Variants in RNF2 observed in about 807,000 individuals in gnomAD.
RNF2 encodes the protein ring finger protein 2.
RNF2 carries 6 observed loss-of-function variants against 37.2 expected under a neutral mutation model. That is an observed-to-expected ratio of 0.16 (90% confidence interval 0.09 to 0.32). The LOEUF (loss-of-function observed/expected upper bound fraction) is 0.32, where lower values mean the gene tolerates loss of function less well. RNF2 is among the 10% of genes least tolerant of loss of function. The probability of loss-of-function intolerance (pLI) is 1.00; values close to 1 mark genes in which losing one functional copy is unlikely to be tolerated. For synonymous variants in RNF2, 133 were observed against 132.7 expected (o/e 1.00, Z -0.02); for missense variants, 251 against 404.0 (o/e 0.62, Z 3.25).
intron 1 of RNF2, among the ~76,000 whole-genome samples, chr1:185,068,269 C>G (rs767882323): frequency 6.6e-6 from 1 of 152,172 alleles, no homozygotes; most frequent in Non-Finnish European, 1.5e-5. Flanking sequence ...GTCACTCTTA[C>G]TTTGGTCAGT....
At chr1:185,086,440 A>G (rs1248317304) in intron 1 of RNF2, among the ~76,000 whole-genome samples, 2 of 152,074 alleles carry the variant, frequency 1.3e-5, no homozygotes, top group African/African-American at 4.8e-5. Context: ...AGTTGGTCTT[A>G]TGCTCTTCAG....
At chr1:185,095,826 A>G (rs1364869443) in intron 4 of RNF2, among the ~76,000 whole-genome samples, 1 of 152,138 alleles carries the variant, frequency 6.6e-6, no homozygotes, top group Non-Finnish European at 1.5e-5. Flanking sequence ...ATGTAGGTAT[A>G]TGTTCGTATA....
chr1:185,074,701 C>T (rs987060209), intron 1 of RNF2, among the ~76,000 whole-genome samples: 2 of 152,104 alleles, frequency 1.3e-5, no homozygotes, highest in Non-Finnish European at 2.9e-5. Flanking sequence ...GGTATGGTTG[C>T]ATCTGAACGT....
chr1:185,085,965 T>G (rs954771597), intron 1 of RNF2, among the ~76,000 whole-genome samples: 1 of 152,214 alleles, frequency 6.6e-6, no homozygotes, highest in Non-Finnish European at 1.5e-5. Flanking sequence ...TTTAAAACTT[T>G]TAGTATCTTC....
intron 1 of RNF2, among the ~76,000 whole-genome samples, chr1:185,053,519 CTTTT>C (rs1007787992): frequency 2.3e-4 from 35 of 151,802 alleles, no homozygotes; most frequent in African/African-American, 8.0e-4. Flanking sequence ...TTCTTTCTTT[CTTTT>C]TTCTTTATTT....
chr1:185,072,240 G>T (rs72739697), intron 1 of RNF2, among the ~76,000 whole-genome samples: 7,251 of 151,178 alleles, frequency 0.048, 261 homozygotes, highest in Middle Eastern at 0.078. Context: ...GGACTCTCAT[G>T]TTGAGGGGTT....
At chr1:185,055,617 G>A (rs1380468558) in intron 1 of RNF2, among the ~76,000 whole-genome samples, 3 of 152,184 alleles carry the variant, frequency 2.0e-5, no homozygotes, top group Admixed American at 1.3e-4. Flanking sequence ...GTTTCACCAT[G>A]TTGGCAAGGC....
chr1:185,100,165 A>C, intron 6 of RNF2, 35 bp from the exon 7 acceptor site: 2 of 1,478,148 alleles, frequency 1.4e-6, no homozygotes, highest in Non-Finnish European at 1.9e-6. Context: ...TGGTTTGTGC[A>C]GTTTTCATAA....
rs558906024 is a variant in RNF2 at position 185,056,984 on chromosome 1, T to C, written c.-3+11335T>C. 1.5e-4 allele frequency among the ~76,000 whole-genome samples: 23 copies of C among 152,334 alleles called. No homozygotes were observed. In the South Asian group the frequency reaches 4.6e-3, roughly 30 times the overall value. On this transcript the variant is annotated intron_variant, in intron 1 of 6. Transcript: ENST00000367510. ...TTTGTTTAAAACATAGTTTTAACTG[T>C]ATTTTATATGTAGATCTAAATTTAT...
intron 4 of RNF2, among the ~76,000 whole-genome samples, chr1:185,094,844 T>A (rs960492987): frequency 2.0e-5 from 3 of 152,222 alleles, no homozygotes; most frequent in Non-Finnish European, 1.5e-5. Flanking sequence ...AGGAGAATCA[T>A]TATTTTCCAT....
intron 1 of RNF2, among the ~76,000 whole-genome samples, chr1:185,054,121 G>A (rs945585988): frequency 4.6e-5 from 7 of 152,090 alleles, no homozygotes; most frequent in African/African-American, 1.7e-4. Context: ...CCGGGAAAAA[G>A]GATATATACT....
chr1:185,075,240 C>T (rs779110265), intron 1 of RNF2, among the ~76,000 whole-genome samples: 8 of 152,084 alleles, frequency 5.3e-5, no homozygotes, highest in African/African-American at 1.7e-4. Context: ...GTGATCCCCC[C>T]GCCTCGGCCT....
intron 1 of RNF2, among the ~76,000 whole-genome samples, chr1:185,061,815 C>T (rs1368124460): frequency 1.3e-5 from 2 of 152,186 alleles, no homozygotes; most frequent in African/African-American, 4.8e-5. Flanking sequence ...CTGTCAGAAA[C>T]ATTTAGCATG....
intron 1 of RNF2, among the ~76,000 whole-genome samples, chr1:185,048,046 C>T (rs1280039262): frequency 6.6e-6 from 1 of 152,100 alleles, no homozygotes; most frequent in Non-Finnish European, 1.5e-5. Context: ...GACTGTTTGC[C>T]TACTGGTCTT....
chr1:185,069,197 A>G (rs764660466), intron 1 of RNF2, among the ~76,000 whole-genome samples: 2 of 152,186 alleles, frequency 1.3e-5, no homozygotes, highest in African/African-American at 2.4e-5. Flanking sequence ...TCATGCCTGT[A>G]ATCCCAGCAC....
chr1:185,050,189 A>T (rs1384132849), intron 1 of RNF2, among the ~76,000 whole-genome samples: 2 of 152,240 alleles, frequency 1.3e-5, no homozygotes, highest in African/African-American at 4.8e-5. Context: ...GACCCTGTGC[A>T]AGGGATTAGG....
chr1:185,068,531 AT>A (rs936014486), intron 1 of RNF2, among the ~76,000 whole-genome samples: 1 of 152,220 alleles, frequency 6.6e-6, no homozygotes, highest in African/African-American at 2.4e-5. Flanking sequence ...TTGGAGTGAT[AT>A]GGTCACAAGC....
rs753063280 is a variant in RNF2, at chr1:185,067,708, CTTTTTTTTTT to C, written c.-2-19833_-2-19824del. 7.5e-3 allele frequency among the ~76,000 whole-genome samples: 912 copies of C among 121,146 alleles called. 11 individuals are homozygous for C. Among genetic ancestry groups the C allele is most frequent in the African/African-American group, 0.027 (838 of 30,858 alleles). 79.5% of individuals were successfully genotyped at this position (121,146 alleles called of 152,430 possible). On this transcript the variant is annotated intron_variant, in intron 1 of 6. Coordinates refer to ENST00000367510, the MANE Select transcript of RNF2 (RefSeq NM_007212.4). ...GATAATTAAGTAATTTAAAAGTATC[CTTTTTTTTTT>C]TTTTTTTTTTGAGACGGAGTCTTGC...
intron 4 of RNF2, among the ~76,000 whole-genome samples, chr1:185,095,411 A>G (rs2102204750): frequency 6.6e-6 from 1 of 152,288 alleles, no homozygotes; most frequent in East Asian, 1.9e-4. Context: ...CTTCCAAATA[A>G]TCCACATGGC....
Sources: allele counts gnomAD v4.1 joint callset (sites outside exome capture counted in the v4.1 genomes callset), GRCh38; gene constraint gnomAD v4.1.1; transcripts MANE v1.5; gene names NCBI Gene and HGNC (gene_info 2026-07-23, HGNC 2026-07-21).